TMBIM1: variants seen among roughly 807,000 people sequenced by gnomAD.
TMBIM1 encodes protein lifeguard 3.
Under a neutral mutation model 45.1 loss-of-function variants are expected in TMBIM1, and 34 were observed. The ratio of observed to expected loss-of-function variants is 0.75; its 90% CI spans 0.57 to 1.00. TMBIM1 has a LOEUF of 1.00. Ranked by LOEUF, TMBIM1 falls within the 50% of genes least tolerant of loss-of-function variation. TMBIM1 has a pLI of 0.00. For synonymous variants in TMBIM1, 157 were observed against 153.5 expected, an observed-to-expected ratio of 1.02 and a Z score of -0.17; for missense variants, 374 against 402.4, an observed-to-expected ratio of 0.93 and a Z score of 0.60.
intron 3 of TMBIM1, chr2:218,279,683 T>C (rs1254241474): frequency 4.1e-6 from 2 of 482,948 alleles, no homozygotes; most frequent in African/African-American, 2.0e-5. Flanking sequence ...ATGGAGAGGG[T>C]GGGTTACAAG....
intron 1 of TMBIM1, among the ~76,000 whole-genome samples, chr2:218,282,633 G>A (rs1398408888): frequency 6.6e-6 from 1 of 152,234 alleles, no homozygotes; most frequent in Non-Finnish European, 1.5e-5. Context: ...CACAGCTGAC[G>A]GGGATGCCAG....
At chr2:218,292,094 C>G (rs1692966668) in intron 1 of TMBIM1, among the ~76,000 whole-genome samples, 1 of 152,202 alleles carries the variant, frequency 6.6e-6, no homozygotes, top group Non-Finnish European at 1.5e-5. Context: ...CCTCATCCCA[C>G]ACAGCTGGCC....
intron 1 of TMBIM1, chr2:218,286,765 G>A (rs1692546668): frequency 6.6e-6 from 1 of 152,312 alleles, no homozygotes; most frequent in Non-Finnish European, 1.5e-5. Context: ...TACAGCAAGA[G>A]GAGAGTATGT....
intron 11 of TMBIM1, 130 bp from the exon 12 acceptor site, chr2:218,275,751 CAT>C: frequency 5.2e-6 from 6 of 1,149,338 alleles, no homozygotes; most frequent in African/African-American, 1.5e-5. Flanking sequence ...CACAGCATAA[CAT>C]ATGGGCTCTA....
chr2:218,284,990 T>A (rs1692386661), intron 1 of TMBIM1, among the ~76,000 whole-genome samples: 2 of 152,118 alleles, frequency 1.3e-5, no homozygotes, highest in Non-Finnish European at 1.5e-5. Context: ...CTCGGGAGGC[T>A]GAGGCAGGAG....
At chr2:218,288,929 C>T (rs1692733557) in intron 1 of TMBIM1, among the ~76,000 whole-genome samples, 1 of 152,202 alleles carries the variant, frequency 6.6e-6, no homozygotes, top group Admixed American at 6.5e-5. Context: ...TTCTTACCCT[C>T]ATCCCACTCT....
At chr2:218,291,761 T>G (rs762699294) in intron 1 of TMBIM1, among the ~76,000 whole-genome samples, 3 of 152,080 alleles carry the variant, frequency 2.0e-5, no homozygotes, top group Non-Finnish European at 2.9e-5. Flanking sequence ...TTGTTTTCAC[T>G]CTAACCCAAA....
Position 218,275,610 on chromosome 2 carries a change from G to GT in TMBIM1, c.800dup (p.Tyr267Ter). 1.9e-6 allele frequency: 3 copies of GT among 1,611,792 alleles called. No homozygotes were observed. Among genetic ancestry groups the GT allele is most frequent in the South Asian group, 1.1e-5 (1 of 90,832 alleles). Residue 267 changes from tyrosine (Y) to a stop codon, truncating the protein, a stop_gained and frameshift_variant, in exon 12 of 12, where the codon TAC becomes TAAC. Coordinates refer to ENST00000258412, the MANE Select transcript of TMBIM1 (RefSeq NM_022152.6). LOFTEE classifies it high-confidence loss of function. Reference protein sequence around the residue: ...GAICFTLFLAYDTQLVLGNRK... With the variant: ...GAICFTLFLA ...GGTTCCCCAGGACCAGCTGTGTGTC[G>GT]TAAGCCAGGAACTGCAAGGATAGGG...
intron 1 of TMBIM1, among the ~76,000 whole-genome samples, chr2:218,291,340 G>A (rs1363184657): frequency 1.3e-5 from 2 of 152,168 alleles, no homozygotes; most frequent in Non-Finnish European, 2.9e-5. Flanking sequence ...AAGGAAGTAT[G>A]GCTCCCCCTT....
At chr2:218,282,203 G>C in intron 1 of TMBIM1, 22 bp from the exon 2 acceptor site, 1 of 1,339,238 alleles carries the variant, frequency 7.5e-7, no homozygotes, top group Non-Finnish European at 9.9e-7. Flanking sequence ...GAGGAGAAAA[G>C]CAATCGTGAA....
intron 2 of TMBIM1, 131 bp downstream of exon 2, chr2:218,281,809 A>G (rs914795760): frequency 7.5e-6 from 6 of 794,832 alleles, no homozygotes; most frequent in African/African-American, 1.8e-5. Flanking sequence ...ACAGAGGGAG[A>G]GATCTCAACA....
At position 218,275,245 on chromosome 2, in the gene TMBIM1, G is replaced by A; in HGVS notation, c.*230C>T. Reference sequence around the variant, plus strand: ...GGGGAGAAGACACATCTTCAGCCTAGTCCCTGCCAAGCCCACCAAGAGCAA... The same window carrying A: ...GGGGAGAAGACACATCTTCAGCCTAATCCCTGCCAAGCCCACCAAGAGCAA... On this transcript the variant is annotated 3_prime_UTR_variant, in exon 12 of 12. Transcript: ENST00000258412. 1 of 458,482 alleles carries A rather than the reference G, an allele frequency of 2.2e-6. No homozygotes were observed. The highest frequency in any genetic ancestry group is 3.8e-6 in the Non-Finnish European group (1 of 264,606). 28.4% of individuals were successfully genotyped at this position (458,482 alleles called of 1,614,324 possible).
chr2:218,275,720 G>C, intron 11 of TMBIM1, 99 bp from the exon 12 acceptor site: 3 of 1,420,004 alleles, frequency 2.1e-6, no homozygotes, highest in Non-Finnish European at 2.9e-6. Context: ...GCGCCACACA[G>C]TGCTTAGGGC....
In TMBIM1 at chr2:218,277,612, G is replaced by A. The variant is rs772868526; in HGVS notation, c.551+21C>T. ...CCACAATACACATTTCCCAAGAGTG[G>A]TGCTTTATCCCTGAATGTACCTGGA... On this transcript the variant is annotated intron_variant, in intron 8 of 11. Transcript: ENST00000258412. 8.7e-6 allele frequency: 14 copies of A among 1,614,190 alleles called. No individual in the cohort carries two copies. In the Admixed American group the frequency reaches 1.2e-4, roughly 13 times the overall value.
Position 218,282,063 on chromosome 2 carries a change from C to A in TMBIM1, c.79G>T (p.Gly27Trp). 1 of 1,591,254 alleles carries A rather than the reference C, an allele frequency of 6.3e-7. No individual in the cohort carries two copies. The highest frequency in any genetic ancestry group is 8.6e-7 in the Non-Finnish European group (1 of 1,168,756). The change falls in exon 2 of 12, where the codon GGG becomes TGG. Residue 27 changes from glycine (G) to tryptophan (W), a missense_variant. Coordinates refer to ENST00000258412, the MANE Select transcript of TMBIM1 (RefSeq NM_022152.6). The part of the protein sequence containing the change: ...YPGPPPPGGY[G>W]QPSVLPGGYP... ...CCTCCTGGCAGGACAGATGGCTGCC[C>A]ATAGCCCCCAGGGGGCGGAGGGCCT...
intron 1 of TMBIM1, among the ~76,000 whole-genome samples, chr2:218,283,051 A>G (rs9917343): frequency 1.4e-3 from 220 of 152,220 alleles, no homozygotes; most frequent in African/African-American, 5.1e-3. Flanking sequence ...GCTCTCTGTG[A>G]GTTCTACCTG....
Position 218,282,163 on chromosome 2 carries a change from G to A in TMBIM1, c.-22C>T. 1 of 1,452,684 alleles carries A rather than the reference G, an allele frequency of 6.9e-7. No individual in the cohort carries two copies. The highest frequency in any genetic ancestry group is 2.6e-5 in the East Asian group (1 of 38,234). The allele number at this position is 1,452,684 out of a possible 1,614,324, so 90.0% of individuals were successfully genotyped here. On this transcript the variant is annotated 5_prime_UTR_variant, in exon 2 of 12. Coordinates refer to ENST00000258412, the MANE Select transcript of TMBIM1 (RefSeq NM_022152.6). Reference sequence around the variant, plus strand: ...ACATGGCTGCTCACGGGCTGAGGGGGAACCCCAGCTGCTGGGACCTGAAAT... The same window carrying A: ...ACATGGCTGCTCACGGGCTGAGGGGAAACCCCAGCTGCTGGGACCTGAAAT...
chr2:218,278,886 G>T, intron 5 of TMBIM1, 152 bp downstream of exon 5: 1 of 854,856 alleles, frequency 1.2e-6, no homozygotes, highest in Non-Finnish European at 1.8e-6. Flanking sequence ...ATCTGGGCAC[G>T]CACACCCACA....
chr2:218,282,051 C>T lies in TMBIM1; in HGVS notation c.91G>A (p.Val31Ile), dbSNP rs200149625. 9.4e-6 allele frequency: 15 copies of T among 1,601,812 alleles called. No homozygotes were observed. Among genetic ancestry groups the T allele is most frequent in the African/African-American group, 2.7e-5 (2 of 74,546 alleles). ...TAGGCAGGATACCCTCCTGGCAGGA[C>T]AGATGGCTGCCCATAGCCCCCAGGG... Reference protein sequence around the residue: ...PPPGGYGQPSVLPGGYPAYPG... With the variant: ...PPPGGYGQPSILPGGYPAYPG... Residue 31 changes from valine (V) to isoleucine (I), a missense_variant, in exon 2 of 12, where the codon GTC becomes ATC. Val to Ile is a conservative substitution (Grantham distance 29, BLOSUM62 3). Coordinates refer to ENST00000258412, the MANE Select transcript of TMBIM1 (RefSeq NM_022152.6).
Sources: gnomAD v4.1 joint callset for allele counts (sites outside exome capture counted in the v4.1 genomes callset) on GRCh38, gnomAD v4.1.1 for gene constraint, MANE v1.5 for transcripts, NCBI Gene and HGNC (gene_info 2026-07-23, HGNC 2026-07-21) for gene names.